The following SLC7A14 variants were observed in gnomAD, a reference collection of about 807,000 sequenced individuals.
SLC7A14 encodes the protein gamma-aminobutyric acid transporter SLC7A14.
Under a neutral mutation model 60.2 loss-of-function variants are expected in SLC7A14, and 37 were observed. The observed-to-expected ratio is 0.61, with a 90% CI of 0.47 to 0.81. The LOEUF is 0.81. Ranked by LOEUF, SLC7A14 falls within the 30% of genes least tolerant of loss-of-function variation. The pLI, the probability that SLC7A14 is intolerant of heterozygous loss-of-function variation, is 0.00. For synonymous variants in SLC7A14, 399 were observed against 395.8 expected, an observed-to-expected ratio of 1.01 and a Z score of -0.10; for missense variants, 886 against 982.7, an observed-to-expected ratio of 0.90 and a Z score of 1.32.
intron 2 of SLC7A14, among the ~76,000 whole-genome samples, chr3:170,505,935 G>T (rs1329802926): frequency 6.6e-6 from 1 of 151,576 alleles, no homozygotes; most frequent in Non-Finnish European, 1.5e-5. Context: ...TACTTAATTT[G>T]GTGAATCCAT....
intron 1 of SLC7A14, among the ~76,000 whole-genome samples, chr3:170,577,300 C>G (rs919393262): frequency 2.6e-5 from 4 of 152,196 alleles, no homozygotes; most frequent in Non-Finnish European, 5.9e-5. Context: ...CCTAGGCCAT[C>G]CCGCTCCCCA....
chr3:170,526,759 A>G lies in SLC7A14; in HGVS notation c.178T>C (p.Ser60Pro). The G allele has an allele frequency of 6.2e-7, 1 of 1,614,178 alleles. No homozygotes were observed. The highest frequency in any genetic ancestry group is 8.5e-7 in the Non-Finnish European group (1 of 1,180,040). ...AQVLTTVDLI[S>P]LGVGSCVGTG... is the part of the protein sequence containing the mutation. ...CCCACACAGCTGCCAACGCCAAGAG[A>G]GATGAGGTCCACTGTGGTGAGTACC... Residue 60 changes from serine (S) to proline (P), a missense_variant, in exon 2 of 8, where the codon TCT (serine) becomes CCT (proline). Coordinates refer to ENST00000231706, the MANE Select transcript of SLC7A14 (RefSeq NM_020949.3).
intron 2 of SLC7A14, among the ~76,000 whole-genome samples, chr3:170,519,887 C>T (rs188516603): frequency 5.9e-5 from 9 of 152,340 alleles, no homozygotes; most frequent in East Asian, 1.9e-4. Context: ...ACTGGAGCTA[C>T]AGCAGCCGTC....
rs1042938656 is a variant in SLC7A14, at chr3:170,527,075, C to T, written c.-139G>A. The T allele has an allele frequency of 3.4e-6, 3 of 872,076 alleles. No individual in the cohort carries two copies. Among genetic ancestry groups the T allele is most frequent in the African/African-American group, 3.4e-5 (2 of 58,798 alleles). The allele number at this position is 872,076 out of a possible 1,614,324, so 54.0% of individuals were successfully genotyped here. ...CAGAGGGACCCAGTGCAGCCTTCTC[C>T]TGGGCATGAATGTCTGCAGGAAAAA... is the stretch of plus-strand genomic sequence containing the variant. On this transcript the variant is annotated 5_prime_UTR_variant, in exon 2 of 8. Coordinates refer to ENST00000231706, the MANE Select transcript of SLC7A14 (RefSeq NM_020949.3).
intron 4 of SLC7A14, among the ~76,000 whole-genome samples, chr3:170,489,841 G>T (rs1712157579): frequency 6.6e-6 from 1 of 151,668 alleles, no homozygotes; most frequent in South Asian, 2.1e-4. Flanking sequence ...ATCAGGCATG[G>T]AAAGACAAAC....
chr3:170,556,964 T>C (rs1032916645), intron 1 of SLC7A14, among the ~76,000 whole-genome samples: 1 of 151,964 alleles, frequency 6.6e-6, no homozygotes, highest in Non-Finnish European at 1.5e-5. Flanking sequence ...TGAATGGGAG[T>C]CTCATTTAAA....
rs142727874 is a variant in SLC7A14 at position 170,506,875 on chromosome 3, C to A, written c.305-5530G>T. On this transcript the variant is annotated intron_variant, in intron 2 of 7. Coordinates refer to ENST00000231706, the MANE Select transcript of SLC7A14 (RefSeq NM_020949.3). Reference sequence around the variant, plus strand: ...AAAATTCTATTTTTAAGTGGGGAAGCTTTTCCACTTAAGGGGTAAGTTATT... The same window carrying A: ...AAAATTCTATTTTTAAGTGGGGAAGATTTTCCACTTAAGGGGTAAGTTATT... Among the ~76,000 whole-genome samples the A allele has an allele frequency of 3.9e-5, 6 of 152,216 alleles. No homozygotes were observed. In the East Asian group the frequency reaches 1.2e-3, roughly 29 times the overall value.
intron 1 of SLC7A14, among the ~76,000 whole-genome samples, chr3:170,537,392 C>T (rs569400416): frequency 2.4e-4 from 37 of 151,832 alleles, no homozygotes; most frequent in Non-Finnish European, 5.0e-4. Context: ...ATAATCTCCT[C>T]ATCTCAAGAT....
At chr3:170,538,894 G>C (rs1713929319) in intron 1 of SLC7A14, among the ~76,000 whole-genome samples, 1 of 152,156 alleles carries the variant, frequency 6.6e-6, no homozygotes, top group Non-Finnish European at 1.5e-5. Flanking sequence ...ACATTTCCAT[G>C]TTCCTTTGGG....
intron 1 of SLC7A14, among the ~76,000 whole-genome samples, chr3:170,543,681 C>A (rs1373767078): frequency 6.6e-6 from 1 of 151,480 alleles, no homozygotes; most frequent in Admixed American, 6.6e-5. Flanking sequence ...AAAAGAACCA[C>A]AGTCTCTCCA....
At chr3:170,522,005 C>T (rs1318927841) in intron 2 of SLC7A14, among the ~76,000 whole-genome samples, 1 of 152,000 alleles carries the variant, frequency 6.6e-6, no homozygotes, top group African/African-American at 2.4e-5. Flanking sequence ...CAAATAAACT[C>T]ATAGAAAGAT....
intron 5 of SLC7A14, among the ~76,000 whole-genome samples, chr3:170,485,691 T>A (rs1560253791): frequency 6.6e-6 from 1 of 152,104 alleles, no homozygotes; most frequent in African/African-American, 2.4e-5. Flanking sequence ...GAATTTGAGC[T>A]GGTGTAACAA....
chr3:170,518,221 G>T (rs1014991897), intron 2 of SLC7A14, among the ~76,000 whole-genome samples: 4 of 152,176 alleles, frequency 2.6e-5, no homozygotes, highest in African/African-American at 9.7e-5. Context: ...TGTGCTACAC[G>T]CAAAGATGAG....
chr3:170,501,270 A>T lies in SLC7A14; in HGVS notation c.380T>A (p.Val127Asp), dbSNP rs1712601068. The T allele has an allele frequency of 6.2e-7, 1 of 1,614,224 alleles. No homozygotes were observed. The highest frequency in any genetic ancestry group is 1.7e-5 in the Admixed American group (1 of 60,028). Reference protein sequence around the residue: ...GSAYTYSYVTVGEFVAFFIGW... With the variant: ...GSAYTYSYVTDGEFVAFFIGW... Reference sequence around the variant, plus strand: ...AATGAAAAATGCCACAAATTCCCCAACAGTGACATAGCTGTAGGTGTAGGC... The same window carrying T: ...AATGAAAAATGCCACAAATTCCCCATCAGTGACATAGCTGTAGGTGTAGGC... The change falls in exon 3 of 8, where the codon GTT (valine) becomes GAT (aspartate). Residue 127 changes from valine to aspartate, a missense_variant. Coordinates refer to ENST00000231706, the MANE Select transcript of SLC7A14 (RefSeq NM_020949.3).
rs1397216655 is a variant in SLC7A14, at chr3:170,535,039, G to A, written c.-152-7951C>T. The stretch of plus-strand genomic sequence containing the variant: ...TCTCCTTCGATGCCCCAGTCAGGGA[G>A]GGTATCACAGTTTGACATCACCTTC... On this transcript the variant is annotated intron_variant, in intron 1 of 7. Transcript: ENST00000231706. This position sits in a 1 kb window ranked among gnomAD's most constrained non-coding sequence, Gnocchi z 4.3. 6.6e-6 allele frequency among the ~76,000 whole-genome samples: 1 copy of A among 152,158 alleles called. No individual in the cohort carries two copies. Among genetic ancestry groups the A allele is most frequent in the Non-Finnish European group, 1.5e-5 (1 of 68,032 alleles).
At chr3:170,543,830 A>G (rs1714092189) in intron 1 of SLC7A14, among the ~76,000 whole-genome samples, 1 of 149,208 alleles carries the variant, frequency 6.7e-6, no homozygotes, top group Non-Finnish European at 1.5e-5. Flanking sequence ...GCTCACCACA[A>G]TCTCCACCTC....
At chr3:170,565,875 G>C (rs892176424) in intron 1 of SLC7A14, among the ~76,000 whole-genome samples, 25 of 152,244 alleles carry the variant, frequency 1.6e-4, no homozygotes, top group African/African-American at 5.8e-4. Flanking sequence ...AAAAAAACAA[G>C]AAATGGGAGG....
At chr3:170,529,997 G>C (rs1162543604) in intron 1 of SLC7A14, among the ~76,000 whole-genome samples, 1 of 152,186 alleles carries the variant, frequency 6.6e-6, no homozygotes, top group Non-Finnish European at 1.5e-5. Flanking sequence ...TGGATTTCTA[G>C]ACTCCAGAAT....
intron 2 of SLC7A14, among the ~76,000 whole-genome samples, chr3:170,518,469 A>G (rs867711812): frequency 2.6e-5 from 4 of 152,168 alleles, no homozygotes; most frequent in Middle Eastern, 3.4e-3. Context: ...TTGGCCTTTC[A>G]GGGACTAGGA....
Sources: allele counts gnomAD v4.1 joint callset (sites outside exome capture counted in the v4.1 genomes callset), GRCh38; gene constraint gnomAD v4.1.1; non-coding constraint Gnocchi (gnomAD v3.1); transcripts MANE v1.5; gene names NCBI Gene and HGNC (gene_info 2026-07-23, HGNC 2026-07-21).